The following SPEF2 variants were observed in gnomAD, a reference collection of about 807,000 sequenced individuals.
SPEF2 encodes sperm flagella and cilia-associated protein 2.
In SPEF2, 187 loss-of-function variants were observed where a neutral mutation model predicts 224.6. The ratio of observed to expected loss-of-function variants is 0.83; its 90% CI spans 0.74 to 0.94. The LOEUF (loss-of-function observed/expected upper bound fraction) is 0.94. SPEF2 is among the 40% of genes least tolerant of loss of function. SPEF2 has a pLI of 0.00. For synonymous variants in SPEF2, 715 were observed against 707.3 expected, an observed-to-expected ratio of 1.01 and a Z score of -0.17; for missense variants, 2,170 against 2,135.6, an observed-to-expected ratio of 1.02 and a Z score of -0.32.
intron 18 of SPEF2, among the ~76,000 whole-genome samples, chr5:35,708,653 C>A (rs1337572967): frequency 6.0e-5 from 2 of 33,342 alleles, no homozygotes; most frequent in Admixed American, 2.7e-4. Context: ...AGCACCTCCA[C>A]CACCACTACC....
At chr5:35,723,261 A>G in intron 20 of SPEF2, among the ~76,000 whole-genome samples, 1 of 152,188 alleles carries the variant, frequency 6.6e-6, no homozygotes, top group East Asian at 1.9e-4. Context: ...AGGAAATTGA[A>G]ATAACTAGAT....
At chr5:35,802,475 A>G (rs1168708221) in intron 34 of SPEF2, among the ~76,000 whole-genome samples, 2 of 152,168 alleles carry the variant, frequency 1.3e-5, no homozygotes, top group African/African-American at 4.8e-5. Context: ...GACAGGCAAT[A>G]AACAAATAAG....
At chr5:35,657,439 G>C (rs1217303435) in intron 7 of SPEF2, among the ~76,000 whole-genome samples, 1 of 152,054 alleles carries the variant, frequency 6.6e-6, no homozygotes, top group Non-Finnish European at 1.5e-5. Flanking sequence ...GGTAGGGAGG[G>C]GCTGATGTTG....
intron 26 of SPEF2, among the ~76,000 whole-genome samples, chr5:35,765,767 A>G (rs537680557): frequency 1.2e-4 from 19 of 152,166 alleles, no homozygotes; most frequent in Admixed American, 2.6e-4. Flanking sequence ...ATTCACAAAA[A>G]TGTTGGCTGC....
intron 36 of SPEF2, among the ~76,000 whole-genome samples, chr5:35,812,006 T>G (rs989851469): frequency 1.3e-5 from 2 of 152,048 alleles, no homozygotes; most frequent in Non-Finnish European, 2.9e-5. Flanking sequence ...GCCAGGATGG[T>G]CTCGATCCCC....
At chr5:35,650,072 C>G (rs1016711274) in intron 6 of SPEF2, among the ~76,000 whole-genome samples, 1 of 151,874 alleles carries the variant, frequency 6.6e-6, no homozygotes, top group East Asian at 1.9e-4. Flanking sequence ...TTACATCTTA[C>G]GAAATATGAG....
intron 32 of SPEF2, 43 bp downstream of exon 32, chr5:35,793,384 T>C (rs1260450105): frequency 1.3e-6 from 2 of 1,577,528 alleles, no homozygotes; most frequent in East Asian, 4.5e-5. Flanking sequence ...CCAGAACACT[T>C]GTGACCTAAG....
At chr5:35,803,516 G>A (rs996109270) in intron 34 of SPEF2, among the ~76,000 whole-genome samples, 2 of 152,158 alleles carry the variant, frequency 1.3e-5, no homozygotes, top group African/African-American at 4.8e-5. Context: ...TGGAGCCTGG[G>A]ATGGAACACA....
At chr5:35,752,091 A>G (rs1280994418) in intron 23 of SPEF2, among the ~76,000 whole-genome samples, 3 of 152,110 alleles carry the variant, frequency 2.0e-5, no homozygotes, top group Admixed American at 6.5e-5. Context: ...TCAGGCTTCT[A>G]TGAGAATCTA....
chr5:35,759,477 T>G (rs1469292335), intron 24 of SPEF2, 91 bp from the exon 25 acceptor site: 1 of 1,160,366 alleles, frequency 8.6e-7, no homozygotes, highest in African/African-American at 1.6e-5. Context: ...CTAAATGTTT[T>G]CAAAATAGTG....
chr5:35,792,162 G>C (rs945573718), intron 30 of SPEF2, among the ~76,000 whole-genome samples, 178 bp from the exon 31 acceptor site: 1 of 152,058 alleles, frequency 6.6e-6, no homozygotes, highest in Non-Finnish European at 1.5e-5. Context: ...AATAATGAGA[G>C]AGCATCAGGA....
chr5:35,711,851 A>G (rs1024152902), intron 19 of SPEF2, among the ~76,000 whole-genome samples: 1 of 152,174 alleles, frequency 6.6e-6, no homozygotes, highest in Non-Finnish European at 1.5e-5. Context: ...GTCTGTCTCC[A>G]TCACAGGCAT....
At chr5:35,702,304 C>T (rs1171799933) in intron 16 of SPEF2, 2 of 456,108 alleles carry the variant, frequency 4.4e-6, no homozygotes, top group Admixed American at 2.3e-5. Context: ...CAAAGTCCTG[C>T]CAGGGCTGGG....
At chr5:35,768,510 G>T (rs1025189957) in intron 26 of SPEF2, among the ~76,000 whole-genome samples, 1 of 151,866 alleles carries the variant, frequency 6.6e-6, no homozygotes, top group Non-Finnish European at 1.5e-5. Context: ...AATTCTTTAG[G>T]CTATATCTAT....
chr5:35,632,876 G>A (rs1023024744), intron 2 of SPEF2: 2 of 151,932 alleles, frequency 1.3e-5, no homozygotes, highest in Admixed American at 6.6e-5. Flanking sequence ...CAAATTTACT[G>A]TATTATTTAT....
At chr5:35,619,284 C>T (rs529865240) in intron 1 of SPEF2, among the ~76,000 whole-genome samples, 1 of 152,264 alleles carries the variant, frequency 6.6e-6, no homozygotes, top group South Asian at 2.1e-4. Flanking sequence ...TCCTGTCTCA[C>T]CATAGGAGCC....
At chr5:35,800,726 T>C (rs991429858) in intron 34 of SPEF2, among the ~76,000 whole-genome samples, 1 of 152,190 alleles carries the variant, frequency 6.6e-6, no homozygotes, top group African/African-American at 2.4e-5. Context: ...TGCTAGGTAA[T>C]GTGCTTCCTA....
intron 33 of SPEF2, among the ~76,000 whole-genome samples, chr5:35,796,510 G>A (rs1345403497): frequency 6.6e-6 from 1 of 151,864 alleles, no homozygotes; most frequent in East Asian, 1.9e-4. Context: ...TACTCGGGAG[G>A]TTGAGGCAGG....
chr5:35,670,646 GT>G (rs1751112239), intron 10 of SPEF2: 1 of 985,944 alleles, frequency 1.0e-6, no homozygotes, highest in African/African-American at 1.7e-5. Context: ...GGAAGTCTGG[GT>G]TTTATGAATA....
Sources: gnomAD v4.1 joint callset for allele counts (sites outside exome capture counted in the v4.1 genomes callset) on GRCh38, gnomAD v4.1.1 for gene constraint, MANE v1.5 for transcripts, NCBI Gene and HGNC (gene_info 2026-07-23, HGNC 2026-07-21) for gene names.